The following CDYL2 variants were observed in gnomAD, a reference collection of about 807,000 sequenced individuals.
CDYL2 encodes chromodomain Y like 2.
A neutral mutation model predicts 49.4 loss-of-function variants in CDYL2; 23 were observed. That is an observed-to-expected ratio of 0.47 (90% CI 0.34 to 0.66). CDYL2 has a LOEUF of 0.66. Ranked by LOEUF, CDYL2 falls within the 30% of genes least tolerant of loss-of-function variation. The pLI, the probability that CDYL2 is intolerant of heterozygous loss-of-function variation, is 0.01. For missense variants in CDYL2, 678 were observed against 656.4 expected (o/e 1.03, Z -0.36); for synonymous variants, 360 against 268.8 (o/e 1.34, Z -3.32).
intron 1 of CDYL2, among the ~76,000 whole-genome samples, chr16:80,687,369 C>A (rs183168045): frequency 6.6e-6 from 1 of 151,452 alleles, no homozygotes; most frequent in Non-Finnish European, 1.5e-5. Flanking sequence ...TGGATGAGTG[C>A]GTGGGTGGGT....
intron 1 of CDYL2, among the ~76,000 whole-genome samples, chr16:80,693,790 G>T (rs149848202): frequency 6.6e-6 from 1 of 152,060 alleles, no homozygotes; most frequent in Non-Finnish European, 1.5e-5. Flanking sequence ...CCACAGAGCT[G>T]TAGACCACAA....
At chr16:80,622,968 A>C (rs1907148374) in intron 3 of CDYL2, among the ~76,000 whole-genome samples, 1 of 152,162 alleles carries the variant, frequency 6.6e-6, no homozygotes, top group Admixed American at 6.5e-5. Context: ...TTTTATAGAA[A>C]GGGAAACTGA....
chr16:80,631,163 C>A (rs545376044), intron 3 of CDYL2, among the ~76,000 whole-genome samples: 8 of 152,188 alleles, frequency 5.3e-5, no homozygotes, highest in Non-Finnish European at 1.0e-4. Context: ...GAGACCCTAG[C>A]CCAGTTGGGT....
chr16:80,785,017 G>A (rs1040818411), intron 1 of CDYL2, among the ~76,000 whole-genome samples: 3 of 152,132 alleles, frequency 2.0e-5, no homozygotes, highest in Non-Finnish European at 4.4e-5. Context: ...GGAAGAAAAC[G>A]GGGAGTGGTG....
At chr16:80,618,602 T>A (rs949474527) in intron 4 of CDYL2, among the ~76,000 whole-genome samples, 2 of 152,180 alleles carry the variant, frequency 1.3e-5, no homozygotes, top group African/African-American at 4.8e-5. Flanking sequence ...TCTGTTCAGC[T>A]TCCATCCCTT....
intron 1 of CDYL2, among the ~76,000 whole-genome samples, chr16:80,790,755 G>C (rs375306822): frequency 1.1e-4 from 16 of 152,262 alleles, no homozygotes; most frequent in Admixed American, 3.3e-4. Context: ...GTCAGTCAGG[G>C]GGGTAGGTCT....
chr16:80,759,237 T>C (rs1255722819), intron 1 of CDYL2, among the ~76,000 whole-genome samples: 2 of 150,200 alleles, frequency 1.3e-5, no homozygotes, highest in Non-Finnish European at 3.0e-5. Context: ...TTAGTGTCTC[T>C]GAGTGATGGA....
intron 2 of CDYL2, among the ~76,000 whole-genome samples, chr16:80,669,486 T>G (rs938621008): frequency 4.0e-5 from 6 of 151,652 alleles, no homozygotes; most frequent in Non-Finnish European, 7.4e-5. Context: ...GTCAAGCAGA[T>G]GGTGGGAGAT....
At position 80,645,946 on chromosome 16, in the gene CDYL2, G is replaced by A. The variant is rs1003967571; in HGVS notation, c.617-12710C>T. On this transcript the variant is annotated intron_variant, in intron 2 of 6. Transcript: ENST00000570137. ...TGGGAATTGAACAATGAGAACACTT[G>A]GACACAGGAAGGGGAACATCACACA... Among the ~76,000 whole-genome samples the A allele has an allele frequency of 4.5e-5, 6 of 133,686 alleles. 1 individual carries two copies. The highest frequency in any genetic ancestry group is 2.4e-4 in the South Asian group (1 of 4,210). 87.7% of individuals were successfully genotyped at this position (133,686 alleles called of 152,430 possible). A position where few individuals can be genotyped will look rare whatever the true frequency, so the allele number is the denominator to read the frequency against.
chr16:80,789,999 T>A (rs1907558985), intron 1 of CDYL2, among the ~76,000 whole-genome samples: 1 of 152,188 alleles, frequency 6.6e-6, no homozygotes, highest in South Asian at 2.1e-4. Context: ...CCCCCACCAC[T>A]ATACATGTAA....
At chr16:80,727,503 T>C (rs1597102332) in intron 1 of CDYL2, among the ~76,000 whole-genome samples, 1 of 152,104 alleles carries the variant, frequency 6.6e-6, no homozygotes, top group African/African-American at 2.4e-5. Context: ...AACTGCAAGG[T>C]GGAAGCGAGG....
chr16:80,687,676 A>G (rs1327574808), intron 1 of CDYL2, among the ~76,000 whole-genome samples: 1 of 152,212 alleles, frequency 6.6e-6, no homozygotes, highest in Non-Finnish European at 1.5e-5. Flanking sequence ...AAATGGCATT[A>G]GCAAAATATT....
chr16:80,707,438 G>T (rs557863620), intron 1 of CDYL2, among the ~76,000 whole-genome samples: 1 of 152,158 alleles, frequency 6.6e-6, no homozygotes, highest in Non-Finnish European at 1.5e-5. Flanking sequence ...TCCAGCCTAG[G>T]CGACAGAGAG....
intron 1 of CDYL2, among the ~76,000 whole-genome samples, chr16:80,730,683 C>T (rs1905297073): frequency 6.6e-6 from 1 of 152,148 alleles, no homozygotes; most frequent in East Asian, 1.9e-4. Context: ...CCTTGATGAA[C>T]ATTGATGCAA....
chr16:80,644,043 C>T (rs1908223873), intron 2 of CDYL2, among the ~76,000 whole-genome samples: 1 of 152,214 alleles, frequency 6.6e-6, no homozygotes, highest in African/African-American at 2.4e-5. Context: ...TGCTCTGTTT[C>T]CCTTTTAAAA....
rs536360405 is a variant in CDYL2 at position 80,686,481 on chromosome 16, A to C, written c.25-1352T>G. On this transcript the variant is annotated intron_variant, in intron 1 of 6. Transcript: ENST00000570137. ...AATGGAATTTTGACCCAATAAAATTAAGTCGAGTCAGGAATAAGCCTCTGA... is the reference window on the plus strand; with the variant it reads ...AATGGAATTTTGACCCAATAAAATTCAGTCGAGTCAGGAATAAGCCTCTGA... Among the ~76,000 whole-genome samples, 3 of 152,370 alleles carry C rather than the reference A, an allele frequency of 2.0e-5. No individual in the cohort carries two copies. The South Asian group carries it at 6.2e-4, about 32-fold the overall frequency.
At chr16:80,750,711 A>G (rs910860911) in intron 1 of CDYL2, among the ~76,000 whole-genome samples, 5 of 152,192 alleles carry the variant, frequency 3.3e-5, no homozygotes, top group African/African-American at 1.2e-4. Flanking sequence ...TACTATGTCC[A>G]AATGATTTTA....
At chr16:80,648,529 G>T (rs1364091962) in intron 2 of CDYL2, among the ~76,000 whole-genome samples, 1 of 151,966 alleles carries the variant, frequency 6.6e-6, no homozygotes, top group Admixed American at 6.6e-5. Flanking sequence ...GTAAAGAAAA[G>T]TCTGGGACCC....
intron 2 of CDYL2, among the ~76,000 whole-genome samples, chr16:80,666,605 G>A (rs746189729): frequency 6.6e-6 from 1 of 152,206 alleles, no homozygotes. Context: ...ATGAGCCAAT[G>A]GGAAGGGAAT....
Sources: allele counts gnomAD v4.1 joint callset (sites outside exome capture counted in the v4.1 genomes callset), GRCh38; gene constraint gnomAD v4.1.1; transcripts MANE v1.5; gene names NCBI Gene and HGNC (gene_info 2026-07-23, HGNC 2026-07-21).